The following NAALADL2 variants were observed in gnomAD, a reference collection of about 807,000 sequenced individuals.
NAALADL2 encodes inactive N-acetylated-alpha-linked acidic dipeptidase-like protein 2.
In NAALADL2, 76 loss-of-function variants were observed where a neutral mutation model predicts 87.2. That is an observed-to-expected ratio of 0.87 (90% CI 0.72 to 1.05). The LOEUF is 1.05. Among genes scored for constraint, NAALADL2 ranks in the 50% least tolerant of loss-of-function variants. NAALADL2 has a pLI of 0.00. For synonymous variants in NAALADL2, 354 were observed against 331.0 expected, an observed-to-expected ratio of 1.07 and a Z score of -0.75; for missense variants, 1,089 against 945.8, an observed-to-expected ratio of 1.15 and a Z score of -1.99.
chr3:174,737,146 A>T (rs1733302603), intron 2 of NAALADL2, among the ~76,000 whole-genome samples: 1 of 152,158 alleles, frequency 6.6e-6, no homozygotes. Context: ...CCCCTACTGT[A>T]GCCAGTGTCA....
At chr3:175,256,609 T>C (rs530199480) in intron 4 of NAALADL2, 79 bp downstream of exon 4, 34 of 1,424,390 alleles carry the variant, frequency 2.4e-5, no homozygotes, top group Non-Finnish European at 3.2e-5. Flanking sequence ...TTTGTGAGTG[T>C]GGAGTGTGTG....
chr3:174,508,774 G>T (rs781139547), intron 1 of NAALADL2, among the ~76,000 whole-genome samples: 16 of 152,152 alleles, frequency 1.1e-4, no homozygotes, highest in African/African-American at 3.4e-4. Flanking sequence ...CTGGCTGGGC[G>T]CAGTGGCTCA....
chr3:175,759,433 C>G (rs1340459542), intron 13 of NAALADL2, among the ~76,000 whole-genome samples: 1 of 151,614 alleles, frequency 6.6e-6, no homozygotes, highest in Non-Finnish European at 1.5e-5. Flanking sequence ...TCTCGGCTCA[C>G]CACTACCTCC....
chr3:174,456,562 A>G (rs532311493), intron 1 of NAALADL2, among the ~76,000 whole-genome samples: 2 of 152,258 alleles, frequency 1.3e-5, no homozygotes, highest in African/African-American at 4.8e-5. Flanking sequence ...ATAAGGCCAC[A>G]TACCTACAAT....
intron 11 of NAALADL2, among the ~76,000 whole-genome samples, chr3:175,698,608 C>G (rs1738529656): frequency 6.7e-6 from 1 of 149,694 alleles, no homozygotes; most frequent in South Asian, 2.1e-4. Flanking sequence ...TTAAAGAGTT[C>G]AATACAGCCC....
chr3:175,045,956 A>T (rs2108994054), intron 1 of NAALADL2, among the ~76,000 whole-genome samples: 1 of 152,106 alleles, frequency 6.6e-6, no homozygotes, highest in East Asian at 1.9e-4. Flanking sequence ...TAAGACATTC[A>T]GAGATAAGAG....
intron 4 of NAALADL2, among the ~76,000 whole-genome samples, chr3:175,276,928 A>G (rs1282823367): frequency 1.3e-5 from 2 of 152,152 alleles, no homozygotes; most frequent in African/African-American, 2.4e-5. Flanking sequence ...TATGCTAACT[A>G]TTAACAGCTG....
intron 4 of NAALADL2, among the ~76,000 whole-genome samples, chr3:175,258,177 G>A (rs1342602619): frequency 6.6e-6 from 1 of 151,736 alleles, no homozygotes; most frequent in African/African-American, 2.4e-5. Context: ...GCGTGGTGGC[G>A]GGCGCCTGTA....
At chr3:175,520,559 A>G (rs1732509443) in intron 9 of NAALADL2, among the ~76,000 whole-genome samples, 1 of 152,116 alleles carries the variant, frequency 6.6e-6, no homozygotes, top group Non-Finnish European at 1.5e-5. Flanking sequence ...CGGCCTCCCA[A>G]AGTGTTGGGA....
intron 1 of NAALADL2, among the ~76,000 whole-genome samples, chr3:174,912,626 T>C (rs924026326): frequency 6.6e-6 from 1 of 152,218 alleles, no homozygotes; most frequent in African/African-American, 2.4e-5. Context: ...TTTCCCCTGA[T>C]TAATTTATGC....
At chr3:175,169,719 A>C (rs952389632) in intron 2 of NAALADL2, among the ~76,000 whole-genome samples, 1 of 151,790 alleles carries the variant, frequency 6.6e-6, no homozygotes, top group South Asian at 2.1e-4. Context: ...GAAATATCCC[A>C]GAGGATATCA....
intron 2 of NAALADL2, among the ~76,000 whole-genome samples, chr3:175,217,735 C>G (rs1742770187): frequency 6.6e-6 from 1 of 152,152 alleles, no homozygotes; most frequent in Non-Finnish European, 1.5e-5. Context: ...CTTTAGCTAA[C>G]CATTGAACCA....
chr3:175,019,364 T>G (rs1751272472), intron 1 of NAALADL2, among the ~76,000 whole-genome samples: 1 of 152,084 alleles, frequency 6.6e-6, no homozygotes, highest in African/African-American at 2.4e-5. Context: ...GTACTAATTT[T>G]GTTTTAATTA....
chr3:175,097,225 T>G lies in NAALADL2; in HGVS notation c.479T>G (p.Val160Gly), dbSNP rs760361914. The G allele has an allele frequency of 1.2e-6, 2 of 1,613,070 alleles. No individual in the cohort carries two copies. Among genetic ancestry groups the G allele is most frequent in the Non-Finnish European group, 1.7e-6 (2 of 1,179,144 alleles). Residue 160 changes from valine to glycine, a missense_variant, in exon 2 of 14, where the codon GTT becomes GGT. Coordinates refer to ENST00000454872, the MANE Select transcript of NAALADL2 (RefSeq NM_207015.3). ...CPSDAPSSGT[V>G]DPQLYQEILK... is the part of the protein sequence containing the mutation. ...TCAGATGCTCCATCTTCAGGAACAG[T>G]TGATCCTCAGTTATATCAAGAGATT...
In NAALADL2 at chr3:175,243,531, C is replaced by CTTTTT. The variant is rs3066298; in HGVS notation, c.819+9350_819+9354dup. On this transcript the variant is annotated intron_variant, in intron 3 of 13. Transcript: ENST00000454872. Reference sequence around the variant, plus strand: ...AATTTGCAAATGCTACACATCAGGACTTTTTTTTTTTTTTTTTTTTTTTTT... The same window carrying CTTTTT: ...AATTTGCAAATGCTACACATCAGGACTTTTTTTTTTTTTTTTTTTTTTTTTTTTTT... Among the ~76,000 whole-genome samples, 262 of 85,574 alleles carry CTTTTT rather than the reference C, an allele frequency of 3.1e-3. 20 individuals carry two copies. The highest frequency in any genetic ancestry group is 8.6e-3 in the African/African-American group (194 of 22,686). 56.1% of individuals were successfully genotyped at this position (85,574 alleles called of 152,430 possible).
At chr3:174,984,099 G>A (rs879308142) in intron 1 of NAALADL2, among the ~76,000 whole-genome samples, 4 of 149,892 alleles carry the variant, frequency 2.7e-5, no homozygotes, top group African/African-American at 5.1e-5. Context: ...ATAAAGAAGC[G>A]CTTGAGATGT....
chr3:174,750,536 T>A (rs1282965566), intron 3 of NAALADL2, among the ~76,000 whole-genome samples: 2 of 152,038 alleles, frequency 1.3e-5, no homozygotes, highest in Non-Finnish European at 2.9e-5. Context: ...GGGGTTCAAG[T>A]GATTCTCCTG....
At chr3:174,485,834 C>T (rs1717820564) in intron 1 of NAALADL2, among the ~76,000 whole-genome samples, 1 of 151,930 alleles carries the variant, frequency 6.6e-6, no homozygotes, top group South Asian at 2.1e-4. Flanking sequence ...AATGGTATTG[C>T]CTAGGTCGTC....
intron 1 of NAALADL2, among the ~76,000 whole-genome samples, chr3:175,062,452 CTG>C (rs1440537354): frequency 6.7e-6 from 1 of 149,306 alleles, no homozygotes; most frequent in African/African-American, 2.5e-5. Flanking sequence ...CCTCTCCATC[CTG>C]TTTGTAGGGC....
Sources: allele counts gnomAD v4.1 joint callset (sites outside exome capture counted in the v4.1 genomes callset), GRCh38; gene constraint gnomAD v4.1.1; transcripts MANE v1.5; gene names NCBI Gene and HGNC (gene_info 2026-07-23, HGNC 2026-07-21).